SLC3A1: variants seen among roughly 807,000 people sequenced by gnomAD.
SLC3A1 encodes solute carrier family 3 member 1.
In SLC3A1, 78 loss-of-function variants were observed where a neutral mutation model predicts 60.3. The observed-to-expected ratio is 1.29, with a 90% CI of 1.08 to 1.56. The LOEUF is 1.56. Ranked by LOEUF, SLC3A1 falls within the 40% of genes most tolerant of loss-of-function variation. The probability of loss-of-function intolerance (pLI) is 0.00; values close to 1 mark genes in which losing one functional copy is unlikely to be tolerated. For missense variants in SLC3A1, 1,172 were observed against 858.9 expected, an observed-to-expected ratio of 1.36 and a Z score of -4.56; for synonymous variants, 392 against 307.9, an observed-to-expected ratio of 1.27 and a Z score of -2.86.
chr2:44,307,038 A>C (rs1572810714), intron 7 of SLC3A1, among the ~76,000 whole-genome samples: 2 of 151,972 alleles, frequency 1.3e-5, no homozygotes, highest in South Asian at 4.2e-4. Flanking sequence ...GCAACCACTC[A>C]CCTACTTTCC....
chr2:44,304,813 ATTTTTTTTTTTTT>A lies in SLC3A1; in HGVS notation c.1332+490_1332+502del, dbSNP rs70965349. Among the ~76,000 whole-genome samples the A allele has an allele frequency of 1.8e-3, 153 of 85,868 alleles. 4 individuals are homozygous for A. In the South Asian group the frequency reaches 0.054, roughly 30 times the overall value. The allele number at this position is 85,868 out of a possible 152,430, so 56.3% of individuals were successfully genotyped here. A position where few individuals can be genotyped will look rare whatever the true frequency, so the allele number is the denominator to read the frequency against. On this transcript the variant is annotated intron_variant, in intron 7 of 9. Transcript: ENST00000260649. The stretch of plus-strand genomic sequence containing the variant: ...CTTCTGTACTACACTCTTGAAAACA[ATTTTTTTTTTTTT>A]TTTTTTTTTTTTTTGAGACAGGGGC...
Position 44,304,299 on chromosome 2 carries a change from G to C in SLC3A1, c.1293G>C (p.Trp431Cys), listed in dbSNP as rs1182738946. ...GCGTGTATGAGGTTATCACATCCTG[G>C]ATGGAAAACATGCCAGAAGGAAAAT... Reference protein sequence around the residue: ...GNSVYEVITSWMENMPEGKWP... With the variant: ...GNSVYEVITSCMENMPEGKWP... The change falls in exon 7 of 10, where the codon TGG becomes TGC. Residue 431 changes from tryptophan (W) to cysteine (C), a missense_variant. Physicochemically the swap from Trp to Cys is radical, Grantham distance 215 (BLOSUM62 -2). Coordinates refer to ENST00000260649, the MANE Select transcript of SLC3A1 (RefSeq NM_000341.4). The C allele has an allele frequency of 1.2e-6, 2 of 1,614,058 alleles. No individual in the cohort carries two copies. The highest frequency in any genetic ancestry group is 1.7e-5 in the Admixed American group (1 of 60,006).
chr2:44,298,953 C>G lies in SLC3A1; in HGVS notation c.892-1018C>G, dbSNP rs531689652. Among the ~76,000 whole-genome samples, 4 of 151,572 alleles carry G rather than the reference C, an allele frequency of 2.6e-5. No homozygotes were observed. The East Asian group carries it at 7.7e-4, about 29-fold the overall frequency. The stretch of plus-strand genomic sequence containing the variant: ...AAGAATAAAATTAAATGTATGAGAA[C>G]CTGGATTTTTAGCTTAACCATTTGT... On this transcript the variant is annotated intron_variant, in intron 4 of 9. Transcript: ENST00000260649.
At position 44,320,241 on chromosome 2, in the gene SLC3A1, G is replaced by T. The variant is rs1418838313; in HGVS notation, c.1660G>T (p.Asp554Tyr). 8.7e-6 allele frequency: 14 copies of T among 1,614,036 alleles called. No homozygotes were observed. Among genetic ancestry groups the T allele is most frequent in the Non-Finnish European group, 1.2e-5 (14 of 1,179,952 alleles). Residue 554 changes from aspartate to tyrosine, a missense_variant, in exon 10 of 10, where the codon GAT becomes TAT. Coordinates refer to ENST00000260649, the MANE Select transcript of SLC3A1 (RefSeq NM_000341.4). ...QPRSALKLYQ[D>Y]LSLLHANELL... ...CAGATCGGCTTTGAAGTTATATCAA[G>T]ATTTAAGTCTACTTCATGCCAATGA... is the stretch of plus-strand genomic sequence containing the variant.
At chr2:44,297,469 A>C (rs1451215330) in intron 4 of SLC3A1, among the ~76,000 whole-genome samples, 2 of 152,164 alleles carry the variant, frequency 1.3e-5, no homozygotes, top group Non-Finnish European at 2.9e-5. Flanking sequence ...GGTCAAGTTC[A>C]AGCTCTAGCT....
At chr2:44,317,947 G>C (rs1247124587) in intron 9 of SLC3A1, 1 of 261,436 alleles carries the variant, frequency 3.8e-6, no homozygotes, top group African/African-American at 2.4e-5. Flanking sequence ...TTAAAATGAA[G>C]ATATAGCAAG....
rs1429952029 is a variant in SLC3A1, at chr2:44,320,540, G to T, written c.1959G>T (p.Lys653Asn). ...GEGLIFEHNT[K>N]NLLHRQTAFR... Reference sequence around the variant, plus strand: ...GACTCATCTTTGAACACAACACGAAGAATCTCCTTCATCGCCAAACAGCTT... The same window carrying T: ...GACTCATCTTTGAACACAACACGAATAATCTCCTTCATCGCCAAACAGCTT... The change falls in exon 10 of 10, where the codon AAG becomes AAT. Residue 653 changes from lysine (K) to asparagine (N), a missense_variant. By Grantham distance (94) the Lys-to-Asn change is moderately conservative (BLOSUM62 0). Transcript: ENST00000260649. 3.7e-6 allele frequency: 6 copies of T among 1,613,976 alleles called. No homozygotes were observed. The highest frequency in any genetic ancestry group is 3.3e-5 in the Admixed American group (2 of 59,996).
At chr2:44,287,949 C>G (rs1474299122) in intron 4 of SLC3A1, among the ~76,000 whole-genome samples, 1 of 152,088 alleles carries the variant, frequency 6.6e-6, no homozygotes. Context: ...AATTCACATA[C>G]CATAAAATTC....
At chr2:44,310,404 T>C (rs1429653039) in intron 7 of SLC3A1, among the ~76,000 whole-genome samples, 1 of 152,182 alleles carries the variant, frequency 6.6e-6, no homozygotes, top group Admixed American at 6.5e-5. Flanking sequence ...ACAGTTTTGC[T>C]GGATATAGAA....
intron 7 of SLC3A1, among the ~76,000 whole-genome samples, chr2:44,304,907 G>A (rs1384900898): frequency 2.2e-5 from 3 of 135,256 alleles, no homozygotes; most frequent in Non-Finnish European, 4.6e-5. Context: ...CTGCAGCCTC[G>A]ACCTCTGAGG....
intron 4 of SLC3A1, among the ~76,000 whole-genome samples, chr2:44,289,726 G>C (rs775173945): frequency 6.6e-6 from 1 of 152,108 alleles, no homozygotes; most frequent in African/African-American, 2.4e-5. Flanking sequence ...CGCCTCCTGG[G>C]TTCAAGTGAT....
chr2:44,310,348 A>T (rs762029856), intron 7 of SLC3A1, among the ~76,000 whole-genome samples: 18 of 152,204 alleles, frequency 1.2e-4, no homozygotes, highest in Non-Finnish European at 2.5e-4. Flanking sequence ...AATTATACTC[A>T]TCATAGTACA....
chr2:44,285,539 T>A (rs544523193), intron 3 of SLC3A1: 1 of 392,722 alleles, frequency 2.5e-6, no homozygotes, highest in East Asian at 7.1e-5. Context: ...TTGAAGTTGC[T>A]TTTTATTCTT....
chr2:44,320,118 A>C (rs889933428), intron 9 of SLC3A1, 81 bp from the exon 10 acceptor site: 3 of 1,269,928 alleles, frequency 2.4e-6, no homozygotes. Context: ...TTGGGTAAAT[A>C]ACTCCTTACA....
At chr2:44,312,884 T>C (rs897108153) in intron 8 of SLC3A1, 131 bp downstream of exon 8, 1 of 754,122 alleles carries the variant, frequency 1.3e-6, no homozygotes. Context: ...TTGCTTTTCT[T>C]TCTTACTGTT....
chr2:44,301,316 C>T (rs1672000924), intron 6 of SLC3A1, 189 bp downstream of exon 6: 1 of 726,272 alleles, frequency 1.4e-6, no homozygotes, highest in Admixed American at 2.1e-5. Context: ...TGCTGACTTT[C>T]AGTTTCCTCT....
At chr2:44,277,103 CTTTT>C (rs1222833364) in intron 1 of SLC3A1, among the ~76,000 whole-genome samples, 2 of 94,838 alleles carry the variant, frequency 2.1e-5, no homozygotes, top group Non-Finnish European at 4.5e-5. Flanking sequence ...TCTCTCTCTT[CTTTT>C]TTTTTTTTTT....
chr2:44,299,679 T>C (rs1671953542), intron 4 of SLC3A1, among the ~76,000 whole-genome samples: 1 of 152,246 alleles, frequency 6.6e-6, no homozygotes, highest in South Asian at 2.1e-4. Flanking sequence ...TCTTTCATTT[T>C]TAGTAGACTC....
rs1383161363 is a variant in SLC3A1 at position 44,320,730 on chromosome 2, A to G, written c.*91A>G. The stretch of plus-strand genomic sequence containing the variant: ...ATGTACAGCATGCTGCTTGGTGAAC[A>G]ATCATTAATTCTTCGATATTTCTGT... On this transcript the variant is annotated 3_prime_UTR_variant, in exon 10 of 10. Coordinates refer to ENST00000260649, the MANE Select transcript of SLC3A1 (RefSeq NM_000341.4). 2 of 986,516 alleles carry G rather than the reference A, an allele frequency of 2.0e-6. No individual in the cohort carries two copies. Among genetic ancestry groups the G allele is most frequent in the African/African-American group, 3.2e-5 (2 of 62,710 alleles). The allele number at this position is 986,516 out of a possible 1,614,324, so 61.1% of individuals were successfully genotyped here.
Sources: allele counts gnomAD v4.1 joint callset (sites outside exome capture counted in the v4.1 genomes callset), GRCh38; gene constraint gnomAD v4.1.1; transcripts MANE v1.5; gene names NCBI Gene and HGNC (gene_info 2026-07-23, HGNC 2026-07-21).